Variants in PRKAR2B observed in about 807,000 individuals in gnomAD.
The protein encoded by PRKAR2B is cAMP-dependent protein kinase type II-beta regulatory subunit.
Under a neutral mutation model 49.9 loss-of-function variants are expected in PRKAR2B, and 14 were observed. The ratio of observed to expected loss-of-function variants is 0.28; its 90% confidence interval spans 0.19 to 0.44. The LOEUF is 0.44. PRKAR2B is among the 20% of genes least tolerant of loss of function. The pLI is 1.00. For missense variants in PRKAR2B, 393 were observed against 537.9 expected (o/e 0.73, Z 2.67); for synonymous variants, 196 against 197.7 (o/e 0.99, Z 0.07).
At chr7:107,118,927 C>T (rs1428214715) in intron 2 of PRKAR2B, among the ~76,000 whole-genome samples, 2 of 152,120 alleles carry the variant, frequency 1.3e-5, no homozygotes, top group African/African-American at 2.4e-5. Flanking sequence ...ACAATTGCAA[C>T]AGGAATGCCA....
At chr7:107,064,925 C>G (rs1234190376) in intron 1 of PRKAR2B, among the ~76,000 whole-genome samples, 1 of 152,030 alleles carries the variant, frequency 6.6e-6, no homozygotes, top group Non-Finnish European at 1.5e-5. Context: ...GTTTATTTGC[C>G]TGTTTGCTGT....
chr7:107,086,540 T>G (rs1190835463), intron 2 of PRKAR2B, among the ~76,000 whole-genome samples: 1 of 152,030 alleles, frequency 6.6e-6, no homozygotes, highest in South Asian at 2.1e-4. Flanking sequence ...AGTGGCATGA[T>G]CTCAGCTCAC....
At chr7:107,104,493 G>A (rs1185375456) in intron 2 of PRKAR2B, among the ~76,000 whole-genome samples, 4 of 152,030 alleles carry the variant, frequency 2.6e-5, no homozygotes, top group South Asian at 2.1e-4. Flanking sequence ...CGTTGGGGGG[G>A]TATACTCAAT....
intron 5 of PRKAR2B, among the ~76,000 whole-genome samples, chr7:107,144,246 T>C (rs1795846635): frequency 6.6e-6 from 1 of 151,686 alleles, no homozygotes; most frequent in Admixed American, 6.6e-5. Context: ...CCACCACGCC[T>C]GGCTAATTTT....
At chr7:107,068,562 T>C (rs1303133675) in intron 1 of PRKAR2B, 1 of 152,178 alleles carries the variant, frequency 6.6e-6, no homozygotes. Flanking sequence ...ATAAGTAATT[T>C]GTGACTGTGC....
At chr7:107,143,403 G>A (rs150259970) in intron 5 of PRKAR2B, among the ~76,000 whole-genome samples, 212 of 152,294 alleles carry the variant, frequency 1.4e-3, no homozygotes, top group African/African-American at 4.9e-3. Context: ...GTTAGTGTAC[G>A]AGGTACAGTA....
Position 107,159,661 on chromosome 7 carries a change from T to C in PRKAR2B, c.*79T>C. On this transcript the variant is annotated 3_prime_UTR_variant, in exon 11 of 11. Coordinates refer to ENST00000265717, the MANE Select transcript of PRKAR2B (RefSeq NM_002736.3). ...TCCACTGAGAATGTGTTTGTGTAGA[T>C]GCCAAGCATTTTCTGTGATTTCAGG... The C allele has an allele frequency of 6.9e-7, 1 of 1,447,552 alleles. No individual in the cohort carries two copies. Among genetic ancestry groups the C allele is most frequent in the Non-Finnish European group, 9.4e-7 (1 of 1,063,572 alleles). 89.7% of individuals were successfully genotyped at this position (1,447,552 alleles called of 1,614,324 possible).
rs1209902990 is a variant in PRKAR2B, at chr7:107,128,242, A to T, written c.427A>T (p.Asn143Tyr). 2 of 1,612,912 alleles carry T rather than the reference A, an allele frequency of 1.2e-6. No individual in the cohort carries two copies. Among genetic ancestry groups the T allele is most frequent in the East Asian group, 2.2e-5 (1 of 44,870 alleles). The stretch of plus-strand genomic sequence containing the variant: ...ACATCCAAAAACTGATGATCAAAGA[A>T]ATAGGTTGCAAGAGGCTTGCAAAGA... ...IIHPKTDDQR[N>Y]RLQEACKDIL... Residue 143 changes from asparagine to tyrosine, a missense_variant, in exon 4 of 11, where the codon AAT (asparagine) becomes TAT (tyrosine). Around this residue, in one of 2 missense-constraint regions of PRKAR2B, gnomAD observed 233 missense variants for 390.4 expected, o/e 0.60. Coordinates refer to ENST00000265717, the MANE Select transcript of PRKAR2B (RefSeq NM_002736.3).
chr7:107,082,992 C>CA (rs2116790763), intron 2 of PRKAR2B, among the ~76,000 whole-genome samples: 1 of 152,238 alleles, frequency 6.6e-6, no homozygotes, highest in South Asian at 2.1e-4. Context: ...AGGAGAGTCA[C>CA]AATGTGTGTC....
chr7:107,046,349 C>A (rs1023888426), intron 1 of PRKAR2B, among the ~76,000 whole-genome samples: 46 of 152,192 alleles, frequency 3.0e-4, no homozygotes, highest in Non-Finnish European at 5.9e-5. Context: ...CAGTGTATTT[C>A]ATAAAATGAA....
In PRKAR2B at chr7:107,044,976, CCAGCCCGCGGACCTGCTG is replaced by C; in HGVS notation, c.70_87del (p.Gln24_Leu29del). 6.3e-7 allele frequency: 1 copy of C among 1,580,354 alleles called. No homozygotes were observed. The highest frequency in any genetic ancestry group is 8.6e-7 in the Non-Finnish European group (1 of 1,166,092). ...GCTTCACGGTGGAGGTGCTGAGGCA[CCAGCCCGCGGACCTGCTG>C]GAGTTCGCGCTGCAGCACTTCACCC... On this transcript the variant is annotated inframe_deletion, in exon 1 of 11. Transcript: ENST00000265717.
intron 4 of PRKAR2B, among the ~76,000 whole-genome samples, chr7:107,137,826 T>G (rs1415089284): frequency 1.3e-5 from 2 of 152,204 alleles, no homozygotes; most frequent in Non-Finnish European, 2.9e-5. Context: ...TTTTCATGTT[T>G]TTAAGAATCC....
intron 2 of PRKAR2B, among the ~76,000 whole-genome samples, chr7:107,082,585 ATTATTT>A (rs770529379): frequency 2.4e-4 from 36 of 152,216 alleles, no homozygotes; most frequent in Non-Finnish European, 3.8e-4. Context: ...CTGTAGTTAA[ATTATTT>A]TTATTTTTAT....
intron 2 of PRKAR2B, among the ~76,000 whole-genome samples, chr7:107,081,149 A>G (rs941673424): frequency 1.1e-4 from 17 of 152,238 alleles, no homozygotes; most frequent in African/African-American, 4.1e-4. Context: ...CAAAGTGCAT[A>G]ATTTTGTGTA....
chr7:107,080,062 A>G (rs1369958061), intron 2 of PRKAR2B, among the ~76,000 whole-genome samples: 1 of 152,202 alleles, frequency 6.6e-6, no homozygotes. Flanking sequence ...TGGGTTTTCA[A>G]CTTGGACATT....
intron 2 of PRKAR2B, among the ~76,000 whole-genome samples, chr7:107,094,494 A>C (rs1794797693): frequency 6.6e-6 from 1 of 152,156 alleles, no homozygotes. Context: ...TTTGCTGTGC[A>C]GAAGCTCTTT....
At chr7:107,116,355 C>T (rs1795272290) in intron 2 of PRKAR2B, among the ~76,000 whole-genome samples, 1 of 152,160 alleles carries the variant, frequency 6.6e-6, no homozygotes, top group South Asian at 2.1e-4. Context: ...CGTCTGTGTT[C>T]CTCCGGCACT....
intron 2 of PRKAR2B, chr7:107,079,554 T>G (rs1407333119): frequency 6.6e-6 from 1 of 152,202 alleles, no homozygotes; most frequent in African/African-American, 2.4e-5. Context: ...GTGGCAGCCC[T>G]GCTTCAGGCC....
intron 2 of PRKAR2B, among the ~76,000 whole-genome samples, chr7:107,075,406 T>G (rs944933206): frequency 6.6e-6 from 1 of 151,610 alleles, no homozygotes; most frequent in Non-Finnish European, 1.5e-5. Flanking sequence ...TGGCAATTTT[T>G]TTTTTTTTTT....
Sources: gnomAD v4.1 joint callset for allele counts (sites outside exome capture counted in the v4.1 genomes callset) on GRCh38, gnomAD v4.1.1 for gene constraint, gnomAD v4.1.1 regional missense constraint, MANE v1.5 for transcripts, NCBI Gene and HGNC (gene_info 2026-07-23, HGNC 2026-07-21) for gene names.